WWOX: variants seen among roughly 807,000 people sequenced by gnomAD.
The protein encoded by WWOX is WW domain containing oxidoreductase.
A neutral mutation model predicts 46.2 loss-of-function variants in WWOX; 69 were observed. That is an observed-to-expected ratio of 1.49 (90% confidence interval 1.23 to 1.82). The LOEUF (loss-of-function observed/expected upper bound fraction) is 1.82. WWOX is among the 40% of genes most tolerant of loss of function. The pLI, the probability that WWOX is intolerant of heterozygous loss-of-function variation, is 0.00. For synonymous variants in WWOX, 359 were observed against 202.6 expected, an observed-to-expected ratio of 1.77 and a Z score of -6.56; for missense variants, 919 against 542.6, an observed-to-expected ratio of 1.69 and a Z score of -6.89.
At chr16:79,138,352 A>G (rs1180441260) in intron 8 of WWOX, among the ~76,000 whole-genome samples, 1 of 152,104 alleles carries the variant, frequency 6.6e-6, no homozygotes, top group Non-Finnish European at 1.5e-5. Flanking sequence ...TCCCTTAGTG[A>G]CTCATGATGT....
At chr16:78,633,225 G>A (rs2046482311) in intron 8 of WWOX, among the ~76,000 whole-genome samples, 1 of 152,194 alleles carries the variant, frequency 6.6e-6, no homozygotes, top group Admixed American at 6.5e-5. Context: ...TCGTGCCACT[G>A]CGCTCCATGC....
At chr16:78,920,356 C>G (rs576487828) in intron 8 of WWOX, among the ~76,000 whole-genome samples, 1 of 152,328 alleles carries the variant, frequency 6.6e-6, no homozygotes, top group South Asian at 2.1e-4. Context: ...ATAACATTGT[C>G]TCCCATGGGT....
intron 8 of WWOX, among the ~76,000 whole-genome samples, chr16:78,434,367 C>CG (rs1246811959): frequency 6.6e-6 from 1 of 152,136 alleles, no homozygotes; most frequent in Non-Finnish European, 1.5e-5. Flanking sequence ...ACTTTGCTCC[C>CG]GATGACTGCA....
chr16:78,461,559 G>A (rs1232026918), intron 8 of WWOX, among the ~76,000 whole-genome samples: 1 of 152,190 alleles, frequency 6.6e-6, no homozygotes, highest in African/African-American at 2.4e-5. Context: ...ATGTGTGTAT[G>A]TCTAACCCAG....
At chr16:78,986,691 T>C (rs1327616220) in intron 8 of WWOX, among the ~76,000 whole-genome samples, 1 of 152,192 alleles carries the variant, frequency 6.6e-6, no homozygotes, top group East Asian at 1.9e-4. Context: ...TAGAGTGTTC[T>C]GGGAGGCTGT....
At chr16:79,008,186 C>A (rs191343467) in intron 8 of WWOX, among the ~76,000 whole-genome samples, 3 of 152,146 alleles carry the variant, frequency 2.0e-5, no homozygotes, top group African/African-American at 7.2e-5. Context: ...CCCTTGCAGC[C>A]CCTAGAGGCT....
intron 8 of WWOX, among the ~76,000 whole-genome samples, chr16:78,988,309 A>C (rs2046819907): frequency 6.6e-6 from 1 of 151,116 alleles, no homozygotes; most frequent in African/African-American, 2.4e-5. Context: ...ACGCTATTGC[A>C]CTCCAGCCCA....
chr16:79,092,063 G>A (rs1376515658), intron 8 of WWOX, among the ~76,000 whole-genome samples: 1 of 152,032 alleles, frequency 6.6e-6, no homozygotes, highest in African/African-American at 2.4e-5. Flanking sequence ...TTACAGGTGT[G>A]AGCCACCGCA....
intron 8 of WWOX, among the ~76,000 whole-genome samples, chr16:78,480,722 A>C (rs2151446235): frequency 6.6e-6 from 1 of 152,368 alleles, no homozygotes; most frequent in South Asian, 2.1e-4. Context: ...TATGCAGTAC[A>C]TTCCAAAGTC....
chr16:78,873,287 C>T (rs577390581), intron 8 of WWOX: 5 of 152,254 alleles, frequency 3.3e-5, no homozygotes, highest in African/African-American at 9.6e-5. Context: ...TAATTACCAA[C>T]GTGTAGCTCC....
Position 78,767,482 on chromosome 16 carries a change from CTGTGTG to C in WWOX, c.1056+334752_1056+334757del, listed in dbSNP as rs3051061. ...TGTTTCTGTGTGAGTGTGTGTGTGT[CTGTGTG>C]TGTGTGTGTGTGTGTGTGTGTTTGA... On this transcript the variant is annotated intron_variant, in intron 8 of 8. Coordinates refer to ENST00000566780, the MANE Select transcript of WWOX (RefSeq NM_016373.4). 2.1e-3 allele frequency among the ~76,000 whole-genome samples: 299 copies of C among 143,120 alleles called. 1 individual carries two copies. The highest frequency in any genetic ancestry group is 0.013 in the South Asian group (59 of 4,648). 93.9% of individuals were successfully genotyped at this position (143,120 alleles called of 152,430 possible).
At chr16:78,982,394 C>G (rs188473809) in intron 8 of WWOX, among the ~76,000 whole-genome samples, 52 of 152,276 alleles carry the variant, frequency 3.4e-4, no homozygotes, top group Admixed American at 8.5e-4. Context: ...CCAGAATACA[C>G]GTGTGTGCTG....
At chr16:78,876,206 TTTC>T (rs1190375662) in intron 8 of WWOX, among the ~76,000 whole-genome samples, 2 of 136,364 alleles carry the variant, frequency 1.5e-5, no homozygotes, top group African/African-American at 5.2e-5. Flanking sequence ...GTTTTTTTCC[TTTC>T]TTTTTTTTTT....
intron 8 of WWOX, among the ~76,000 whole-genome samples, chr16:79,130,878 C>T (rs748563202): frequency 1.3e-5 from 2 of 152,148 alleles, no homozygotes; most frequent in Non-Finnish European, 2.9e-5. Flanking sequence ...GCCAAGGGGG[C>T]CCTGTGACCC....
chr16:78,642,983 C>T (rs1597386562), intron 8 of WWOX, among the ~76,000 whole-genome samples: 1 of 152,228 alleles, frequency 6.6e-6, no homozygotes, highest in Non-Finnish European at 1.5e-5. Context: ...AGGATTAAAT[C>T]AGTTCATGGA....
chr16:78,356,804 C>T (rs1333098311), intron 5 of WWOX, among the ~76,000 whole-genome samples: 1 of 152,090 alleles, frequency 6.6e-6, no homozygotes, highest in Non-Finnish European at 1.5e-5. Flanking sequence ...ATTTCTTGAA[C>T]CTGGGAGGTG....
chr16:78,831,586 T>C (rs1397780272), intron 8 of WWOX, among the ~76,000 whole-genome samples: 1 of 152,212 alleles, frequency 6.6e-6, no homozygotes, highest in Non-Finnish European at 1.5e-5. Context: ...GGCTGCATGA[T>C]GATTGGGTGC....
chr16:78,712,411 A>C (rs2048462643), intron 8 of WWOX, among the ~76,000 whole-genome samples: 1 of 151,914 alleles, frequency 6.6e-6, no homozygotes, highest in South Asian at 2.1e-4. Flanking sequence ...CTGAGGCGGG[A>C]GAATCGCTTG....
intron 8 of WWOX, among the ~76,000 whole-genome samples, chr16:78,658,112 T>G (rs1162532716): frequency 3.3e-5 from 5 of 152,176 alleles, no homozygotes; most frequent in African/African-American, 1.2e-4. Context: ...ACCCACTAGA[T>G]GCCAGTAGCA....
Sources: allele counts gnomAD v4.1 joint callset (sites outside exome capture counted in the v4.1 genomes callset), GRCh38; gene constraint gnomAD v4.1.1; transcripts MANE v1.5; gene names NCBI Gene and HGNC (gene_info 2026-07-23, HGNC 2026-07-21).